Variants in AFAP1 observed in about 807,000 individuals in gnomAD.
AFAP1 encodes the protein actin filament-associated protein 1.
AFAP1 carries 75 observed loss-of-function variants against 93.9 expected under a neutral mutation model. The ratio of observed to expected loss-of-function variants is 0.80; its 90% confidence interval spans 0.66 to 0.97. AFAP1 has a LOEUF of 0.97. Among genes scored for constraint, AFAP1 ranks in the 50% least tolerant of loss-of-function variants. The pLI is 0.00. For synonymous variants in AFAP1, 517 were observed against 430.7 expected, an observed-to-expected ratio of 1.20 and a Z score of -2.48; for missense variants, 1,201 against 1,050.8, an observed-to-expected ratio of 1.14 and a Z score of -1.98.
chr4:7,816,241 C>T, intron 7 of AFAP1, 142 bp from the exon 8 acceptor site: 1 of 653,328 alleles, frequency 1.5e-6, no homozygotes, highest in East Asian at 2.8e-5. Context: ...TAGAGCTTAA[C>T]TATAACAAAG....
chr4:7,856,152 T>A (rs1715035867), intron 3 of AFAP1, among the ~76,000 whole-genome samples: 1 of 152,156 alleles, frequency 6.6e-6, no homozygotes, highest in Non-Finnish European at 1.5e-5. Flanking sequence ...AGGAAAACTT[T>A]AAAAAAGCAA....
At position 7,763,672 on chromosome 4, in the gene AFAP1, G is replaced by A; in HGVS notation, c.*93C>T. ...GGAGCCTCTGGAGTCGTGCAGCTGAGGCCACTCTGGGCAGAGCTTCCTGCC... is the reference window on the plus strand; with the variant it reads ...GGAGCCTCTGGAGTCGTGCAGCTGAAGCCACTCTGGGCAGAGCTTCCTGCC... On this transcript the variant is annotated 3_prime_UTR_variant, in exon 18 of 18. Coordinates refer to ENST00000420658, the MANE Select transcript of AFAP1 (RefSeq NM_001134647.2). The A allele has an allele frequency of 6.7e-7, 1 of 1,493,548 alleles. No homozygotes were observed. Among genetic ancestry groups the A allele is most frequent in the Non-Finnish European group, 9.1e-7 (1 of 1,095,230 alleles). The allele number at this position is 1,493,548 out of a possible 1,614,324, so 92.5% of individuals were successfully genotyped here.
chr4:7,798,191 C>T lies in AFAP1; in HGVS notation c.1266+2251G>A, dbSNP rs112314621. Among the ~76,000 whole-genome samples, 662 of 119,772 alleles carry T rather than the reference C, an allele frequency of 5.5e-3. 7 individuals carry two copies. The highest frequency in any genetic ancestry group is 0.018 in the Middle Eastern group (4 of 218). 78.6% of individuals were successfully genotyped at this position (119,772 alleles called of 152,430 possible). A position where few individuals can be genotyped will look rare whatever the true frequency, so the allele number is the denominator to read the frequency against. On this transcript the variant is annotated intron_variant, in intron 10 of 17. Coordinates refer to ENST00000420658, the MANE Select transcript of AFAP1 (RefSeq NM_001134647.2). ...TACTGGCTGGCTCACGGCACTGCAA[C>T]TCTATTGGCTGGCTCACGGCACTGC... is the stretch of plus-strand genomic sequence containing the variant.
In AFAP1 at chr4:7,790,338, A is replaced by G. The variant is rs1426277140; in HGVS notation, c.1412+3343T>C. Reference sequence around the variant, plus strand: ...GCAGCCATAAATTCATTACATGCATATTTTTAATAAATATTTTTAGTGTTA... The same window carrying G: ...GCAGCCATAAATTCATTACATGCATGTTTTTAATAAATATTTTTAGTGTTA... On this transcript the variant is annotated intron_variant, in intron 11 of 17. Transcript: ENST00000420658. 3.9e-5 allele frequency among the ~76,000 whole-genome samples: 6 copies of G among 152,220 alleles called. No homozygotes were observed. In the East Asian group the frequency reaches 1.2e-3, roughly 29 times the overall value.
intron 3 of AFAP1, among the ~76,000 whole-genome samples, chr4:7,858,176 T>G (rs1346806189): frequency 6.6e-6 from 1 of 152,152 alleles, no homozygotes; most frequent in Non-Finnish European, 1.5e-5. Context: ...AGAACAAAGG[T>G]GTACTATGAT....
chr4:7,829,091 G>C (rs1243396402), intron 6 of AFAP1, among the ~76,000 whole-genome samples: 1 of 152,194 alleles, frequency 6.6e-6, no homozygotes, highest in African/African-American at 2.4e-5. Flanking sequence ...ATGTGAAGAA[G>C]GACGTGTTTG....
intron 5 of AFAP1, among the ~76,000 whole-genome samples, chr4:7,841,055 T>C (rs531613714): frequency 4.6e-5 from 7 of 152,282 alleles, no homozygotes; most frequent in South Asian, 2.1e-4. Flanking sequence ...CAATCAGCAA[T>C]AGGGACAGGC....
intron 8 of AFAP1, among the ~76,000 whole-genome samples, chr4:7,810,313 G>T (rs1719897431): frequency 6.6e-6 from 1 of 152,200 alleles, no homozygotes; most frequent in Non-Finnish European, 1.5e-5. Flanking sequence ...AGAGCAGCCG[G>T]GCGGTCAGAG....
chr4:7,797,853 A>C (rs764622644), intron 10 of AFAP1, among the ~76,000 whole-genome samples: 3 of 152,150 alleles, frequency 2.0e-5, no homozygotes, highest in Admixed American at 6.5e-5. Flanking sequence ...TCTGAAAAAA[A>C]TCCTACACAA....
intron 1 of AFAP1, among the ~76,000 whole-genome samples, chr4:7,904,791 T>G (rs1320073): frequency 6.6e-6 from 1 of 152,120 alleles, no homozygotes; most frequent in Non-Finnish European, 1.5e-5. Context: ...ACTGCAGCCT[T>G]GACTTCCTGG....
chr4:7,914,027 C>A (rs1203640991), intron 1 of AFAP1, among the ~76,000 whole-genome samples: 2 of 152,064 alleles, frequency 1.3e-5, no homozygotes, highest in Admixed American at 1.3e-4. Context: ...ACGTTCAATA[C>A]CCTTCCTTCA....
intron 1 of AFAP1, among the ~76,000 whole-genome samples, chr4:7,905,512 T>G (rs1323050381): frequency 6.6e-6 from 1 of 152,272 alleles, no homozygotes; most frequent in African/African-American, 2.4e-5. Flanking sequence ...GCTGCTTTTC[T>G]GAGCTGAAAT....
intron 1 of AFAP1, among the ~76,000 whole-genome samples, chr4:7,935,629 G>C (rs967610409): frequency 2.6e-4 from 40 of 152,168 alleles, no homozygotes; most frequent in African/African-American, 9.4e-4. Flanking sequence ...ATGGCTTACA[G>C]ACTCATAAGC....
At chr4:7,856,630 C>T (rs1250558619) in intron 3 of AFAP1, among the ~76,000 whole-genome samples, 4 of 152,156 alleles carry the variant, frequency 2.6e-5, no homozygotes, top group Non-Finnish European at 5.9e-5. Flanking sequence ...GGGCTCACTC[C>T]GCGCCTCGGG....
chr4:7,780,658 TAAAA>T, intron 13 of AFAP1, among the ~76,000 whole-genome samples: 1 of 151,102 alleles, frequency 6.6e-6, no homozygotes, highest in Non-Finnish European at 1.5e-5. Flanking sequence ...TTTTTTTTTT[TAAAA>T]AGGCCTAACA....
At chr4:7,860,335 G>C (rs1177900101) in intron 3 of AFAP1, among the ~76,000 whole-genome samples, 1 of 152,012 alleles carries the variant, frequency 6.6e-6, no homozygotes, top group Non-Finnish European at 1.5e-5. Flanking sequence ...CTTACTGCTT[G>C]AGCATCCCAA....
chr4:7,894,224 G>A (rs1390084049), intron 1 of AFAP1, among the ~76,000 whole-genome samples: 6 of 152,100 alleles, frequency 3.9e-5, no homozygotes, highest in Non-Finnish European at 8.8e-5. Flanking sequence ...ATGTTTTATC[G>A]GAACACAGAC....
At chr4:7,766,780 G>A (rs1179274427) in intron 17 of AFAP1, among the ~76,000 whole-genome samples, 1 of 152,152 alleles carries the variant, frequency 6.6e-6, no homozygotes, top group Admixed American at 6.5e-5. Context: ...CTGCCCAGAT[G>A]AAGGGAAGGG....
intron 4 of AFAP1, among the ~76,000 whole-genome samples, chr4:7,844,775 C>T (rs1713493520): frequency 6.6e-6 from 1 of 152,252 alleles, no homozygotes; most frequent in Non-Finnish European, 1.5e-5. Flanking sequence ...CCTCTCATTA[C>T]TTTCAGCTGC....
Sources: gnomAD v4.1 joint callset for allele counts (sites outside exome capture counted in the v4.1 genomes callset) on GRCh38, gnomAD v4.1.1 for gene constraint, MANE v1.5 for transcripts, NCBI Gene and HGNC (gene_info 2026-07-23, HGNC 2026-07-21) for gene names.